Variants in RNF166 observed in about 807,000 individuals in gnomAD.
The protein encoded by RNF166 is E3 ubiquitin-protein ligase RNF166.
A neutral mutation model predicts 29.4 loss-of-function variants in RNF166; 19 were observed. The ratio of observed to expected loss-of-function variants is 0.65; its 90% CI spans 0.45 to 0.95. The LOEUF is 0.95. RNF166 is among the 40% of genes least tolerant of loss of function. RNF166 has a pLI of 0.00. For synonymous variants in RNF166, 171 were observed against 134.5 expected (o/e 1.27, Z -1.88); for missense variants, 347 against 322.1 (o/e 1.08, Z -0.59).
intron 1 of RNF166, 53 bp from the exon 2 acceptor site, chr16:88,701,471 G>A (rs1412290214): frequency 3.8e-5 from 56 of 1,483,040 alleles, no homozygotes; most frequent in South Asian, 1.1e-4. Flanking sequence ...CTCCCGAACC[G>A]CAGGCCTTGC....
chr16:88,699,183 C>T, intron 3 of RNF166, 98 bp from the exon 4 acceptor site: 3 of 878,764 alleles, frequency 3.4e-6, no homozygotes, highest in Non-Finnish European at 5.5e-6. Flanking sequence ...GGCCTGCCCT[C>T]TGTAGGCTGC....
rs921783226 is a variant in RNF166, at chr16:88,696,597, C to A, written c.*971G>T. 2 of 454,286 alleles carry A rather than the reference C, an allele frequency of 4.4e-6. No individual in the cohort carries two copies. Among genetic ancestry groups the A allele is most frequent in the Non-Finnish European group, 8.8e-6 (2 of 226,434 alleles). 28.1% of individuals were successfully genotyped at this position (454,286 alleles called of 1,614,324 possible). On this transcript the variant is annotated 3_prime_UTR_variant, in exon 6 of 6. Coordinates refer to ENST00000312838, the MANE Select transcript of RNF166 (RefSeq NM_178841.4). ...AAGAATGTTGACGTGTTGCCCGGCC[C>A]GCCAAGCGGGCCCCTGCCCAGGCCC...
At chr16:88,704,888 G>C (rs1444999036) in intron 1 of RNF166, among the ~76,000 whole-genome samples, 1 of 152,226 alleles carries the variant, frequency 6.6e-6, no homozygotes, top group East Asian at 1.9e-4. Context: ...TACTCTGGAG[G>C]CTGAGGCAGG....
In RNF166 at chr16:88,706,309, C is replaced by G; in HGVS notation, c.17G>C (p.Ser6Thr). The G allele has an allele frequency of 8.0e-7, 1 of 1,250,898 alleles. No individual in the cohort carries two copies. The highest frequency in any genetic ancestry group is 3.5e-5 in the East Asian group (1 of 28,950). 77.5% of individuals were successfully genotyped at this position (1,250,898 alleles called of 1,614,324 possible). MAMFR[S>T]LVASAQQRQP... ...CCGCTGCTGAGCCGAGGCCACCAGG[C>G]TGCGGAACATAGCCATCCCGGGGCC... The change falls in exon 1 of 6, where the codon AGC becomes ACC. Residue 6 changes from serine (S) to threonine (T), a missense_variant. Physicochemically the swap from Ser to Thr is moderately conservative, Grantham distance 58. Coordinates refer to ENST00000312838, the MANE Select transcript of RNF166 (RefSeq NM_178841.4).
chr16:88,700,704 G>A, intron 2 of RNF166: 2 of 987,658 alleles, frequency 2.0e-6, no homozygotes, highest in Non-Finnish European at 2.4e-6. Context: ...TGCCAGGGAG[G>A]GCCACGGGGC....
In RNF166 at chr16:88,703,195, AG is replaced by A. The variant is rs768223817; in HGVS notation, c.156-1778del. ...AAAGCAGACGGGTGGGTGCCAGGCGAGGGGGAGAGTCCTGGGTTTCTTTCTG... is the reference window on the plus strand; with the variant it reads ...AAAGCAGACGGGTGGGTGCCAGGCGAGGGGAGAGTCCTGGGTTTCTTTCTG... On this transcript the variant is annotated intron_variant, in intron 1 of 5. Coordinates refer to ENST00000312838, the MANE Select transcript of RNF166 (RefSeq NM_178841.4). 31 of 976,604 alleles carry A rather than the reference AG, an allele frequency of 3.2e-5. 1 individual carries two copies. Among genetic ancestry groups the A allele is most frequent in the Non-Finnish European group, 3.8e-5 (31 of 822,214 alleles). 60.5% of individuals were successfully genotyped at this position (976,604 alleles called of 1,614,324 possible).
At position 88,699,671 on chromosome 16, in the gene RNF166, G is replaced by A; in HGVS notation, c.374C>T (p.Ala125Val). Reference protein sequence around the residue: ...SSCLKVQEQMANCPKFVPVVP... With the variant: ...SSCLKVQEQMVNCPKFVPVVP... ...CACGGGGACGAACTTGGGGCAGTTG[G>A]CCATCTGCTCCTGGACCTTCAGGCA... The change falls in exon 3 of 6, where the codon GCC becomes GTC. Residue 125 changes from alanine to valine, a missense_variant. Transcript: ENST00000312838. The A allele has an allele frequency of 1.2e-6, 2 of 1,613,528 alleles. No homozygotes were observed. The highest frequency in any genetic ancestry group is 8.5e-7 in the Non-Finnish European group (1 of 1,179,896).
intron 1 of RNF166, 67 bp downstream of exon 1, chr16:88,706,104 G>A (rs1230510036): frequency 9.6e-7 from 1 of 1,037,804 alleles, no homozygotes; most frequent in East Asian, 7.6e-5. Context: ...GGCGGCCGCC[G>A]GCCTCGCGAC....
intron 2 of RNF166, 63 bp downstream of exon 2, chr16:88,701,199 C>A (rs1024491676): frequency 1.1e-5 from 17 of 1,592,760 alleles, no homozygotes; most frequent in Middle Eastern, 1.7e-4. Context: ...CTCTGCAGAA[C>A]CCGTGGGCTG....
chr16:88,704,977 C>G (rs1233417598), intron 1 of RNF166, among the ~76,000 whole-genome samples: 3 of 152,160 alleles, frequency 2.0e-5, no homozygotes. Flanking sequence ...GTGACAAGAG[C>G]AAGACTCTGT....
At chr16:88,699,127 T>C (rs1909944717) in intron 3 of RNF166, 42 bp from the exon 4 acceptor site, 4 of 1,336,534 alleles carry the variant, frequency 3.0e-6, no homozygotes, top group South Asian at 1.2e-5. Context: ...GCTAGGTGTC[T>C]AGGGGCTCTG....
At chr16:88,700,306 C>T (rs1040310127) in intron 2 of RNF166, among the ~76,000 whole-genome samples, 6 of 152,152 alleles carry the variant, frequency 3.9e-5, no homozygotes, top group Non-Finnish European at 8.8e-5. Flanking sequence ...GAGACACAGC[C>T]GCATCTGAAG....
chr16:88,701,691 C>T (rs780963589), intron 1 of RNF166: 10 of 425,344 alleles, frequency 2.4e-5, no homozygotes, highest in African/African-American at 6.2e-5. Flanking sequence ...GCTGTCCCCG[C>T]GAGTGGGCCA....
intron 1 of RNF166, chr16:88,704,174 A>T: frequency 1.0e-6 from 1 of 985,492 alleles, no homozygotes; most frequent in Non-Finnish European, 1.2e-6. Context: ...CCAGACCAGC[A>T]ACAAACTTCC....
chr16:88,697,543 C>T lies in RNF166; in HGVS notation c.*25G>A, dbSNP rs763010285. ...GAGCGGGGACATCCCTGACCCCAGACGCAGGCGGGTGGCTGCGCTTCCCTT... is the reference window on the plus strand; with the variant it reads ...GAGCGGGGACATCCCTGACCCCAGATGCAGGCGGGTGGCTGCGCTTCCCTT... On this transcript the variant is annotated 3_prime_UTR_variant, in exon 6 of 6. Transcript: ENST00000312838. 2.0e-5 allele frequency: 31 copies of T among 1,536,530 alleles called. No individual in the cohort carries two copies. The highest frequency in any genetic ancestry group is 4.9e-5 in the East Asian group (2 of 40,522).
intron 2 of RNF166, 67 bp downstream of exon 2, chr16:88,701,195 A>G: frequency 1.3e-6 from 2 of 1,587,960 alleles, no homozygotes; most frequent in Non-Finnish European, 8.6e-7. Flanking sequence ...CACCCTCTGC[A>G]GAACCCGTGG....
intron 2 of RNF166, chr16:88,700,817 G>A (rs962100817): frequency 1.9e-6 from 2 of 1,051,204 alleles, no homozygotes; most frequent in South Asian, 2.8e-5. Context: ...GTGCCCATCA[G>A]CCCGGCTCTG....
Position 88,699,232 on chromosome 16 carries a change from C to T in RNF166, c.426-147G>A. On this transcript the variant is annotated intron_variant, in intron 3 of 5. Coordinates refer to ENST00000312838, the MANE Select transcript of RNF166 (RefSeq NM_178841.4). ...TGGCTGGGTGCCCCCCGTGCCTCTGCACGCCATGGCCTCCTGAGGACACAC... is the reference window on the plus strand; with the variant it reads ...TGGCTGGGTGCCCCCCGTGCCTCTGTACGCCATGGCCTCCTGAGGACACAC... The T allele has an allele frequency of 4.4e-6, 3 of 676,122 alleles. No homozygotes were observed. In the South Asian group the frequency reaches 5.1e-5, roughly 11 times the overall value. The allele number at this position is 676,122 out of a possible 1,614,324, so 41.9% of individuals were successfully genotyped here.
chr16:88,701,525 G>A (rs1910230620), intron 1 of RNF166, 107 bp from the exon 2 acceptor site: 2 of 1,102,866 alleles, frequency 1.8e-6, no homozygotes, highest in South Asian at 1.6e-5. Context: ...GTCCACAGGG[G>A]CAGCTCCCCC....
Sources: gnomAD v4.1 joint callset for allele counts (sites outside exome capture counted in the v4.1 genomes callset) on GRCh38, gnomAD v4.1.1 for gene constraint, MANE v1.5 for transcripts, NCBI Gene and HGNC (gene_info 2026-07-23, HGNC 2026-07-21) for gene names.